Variants in PPFIBP1 observed in about 807,000 individuals in gnomAD.
PPFIBP1 encodes the protein liprin-beta-1.
PPFIBP1 carries 112 observed loss-of-function variants against 137.8 expected under a neutral mutation model. That is an observed-to-expected ratio of 0.81 (90% CI 0.70 to 0.95). The LOEUF is 0.95. PPFIBP1 is among the 40% of genes least tolerant of loss of function. PPFIBP1 has a pLI of 0.00. For synonymous variants in PPFIBP1, 378 were observed against 417.3 expected (o/e 0.91, Z 1.15); for missense variants, 1,083 against 1,196.6 (o/e 0.91, Z 1.40).
Position 27,685,255 on chromosome 12 carries a change from G to A in PPFIBP1, c.2248-2130G>A, listed in dbSNP as rs1398887467. ...TACACACACATACACATATATGCATGTTTGTATATATGTGTGTGTGTATCC... is the reference window on the plus strand; with the variant it reads ...TACACACACATACACATATATGCATATTTGTATATATGTGTGTGTGTATCC... On this transcript the variant is annotated intron_variant, in intron 24 of 29. Coordinates refer to ENST00000228425, the MANE Select transcript of PPFIBP1 (RefSeq NM_003622.4). Among the ~76,000 whole-genome samples, 5 of 150,918 alleles carry A rather than the reference G, an allele frequency of 3.3e-5. No individual in the cohort carries two copies. The South Asian group carries it at 8.4e-4, about 25-fold the overall frequency.
At chr12:27,612,261 C>G (rs965795641) in intron 2 of PPFIBP1, among the ~76,000 whole-genome samples, 1 of 151,528 alleles carries the variant, frequency 6.6e-6, no homozygotes, top group Non-Finnish European at 1.5e-5. Flanking sequence ...AGGTATCTGC[C>G]AAGCCTCTCT....
chr12:27,535,481 A>G (rs2135893553), intron 1 of PPFIBP1, among the ~76,000 whole-genome samples: 1 of 152,272 alleles, frequency 6.6e-6, no homozygotes, highest in Middle Eastern at 3.4e-3. Flanking sequence ...TGGTGTGGTC[A>G]CGGCTCATTG....
chr12:27,600,382 G>T (rs2137705848), intron 2 of PPFIBP1, among the ~76,000 whole-genome samples: 1 of 151,672 alleles, frequency 6.6e-6, no homozygotes, highest in South Asian at 2.1e-4. Context: ...GTTGCAGTGA[G>T]CTGAGATCGG....
intron 6 of PPFIBP1, among the ~76,000 whole-genome samples, chr12:27,649,659 T>C (rs1351921994): frequency 6.6e-6 from 1 of 152,082 alleles, no homozygotes; most frequent in African/African-American, 2.4e-5. Context: ...CAAGTAATTC[T>C]CCTGCCTCAG....
intron 18 of PPFIBP1, 176 bp downstream of exon 18, chr12:27,676,775 A>G: frequency 1.4e-6 from 1 of 697,164 alleles, no homozygotes; most frequent in South Asian, 1.9e-5. Context: ...AGTGTTGTGA[A>G]GATATATAGA....
intron 10 of PPFIBP1, among the ~76,000 whole-genome samples, chr12:27,660,660 G>A (rs2059489283): frequency 6.6e-6 from 1 of 152,124 alleles, no homozygotes; most frequent in African/African-American, 2.4e-5. Context: ...ACACACCCTT[G>A]TTTTCTTTCT....
intron 2 of PPFIBP1, among the ~76,000 whole-genome samples, chr12:27,625,810 C>A (rs1280424475): frequency 6.6e-6 from 1 of 152,032 alleles, no homozygotes; most frequent in African/African-American, 2.4e-5. Context: ...TCTCGAACTC[C>A]TGACCTCAAG....
chr12:27,617,343 T>C (rs1592887892), intron 2 of PPFIBP1, among the ~76,000 whole-genome samples: 1 of 152,170 alleles, frequency 6.6e-6, no homozygotes, highest in Non-Finnish European at 1.5e-5. Flanking sequence ...TCTTGGCAGG[T>C]GGGATCCCTT....
At chr12:27,527,033 C>A (rs1486663238) in intron 1 of PPFIBP1, among the ~76,000 whole-genome samples, 1 of 152,102 alleles carries the variant, frequency 6.6e-6, no homozygotes, top group African/African-American at 2.4e-5. Flanking sequence ...CCCTGTTCCA[C>A]CGTGAGATAA....
chr12:27,585,149 T>G (rs2051576448), intron 2 of PPFIBP1, among the ~76,000 whole-genome samples: 1 of 152,254 alleles, frequency 6.6e-6, no homozygotes, highest in South Asian at 2.1e-4. Context: ...GTTCATTAAA[T>G]GAATTTGAAT....
intron 1 of PPFIBP1, among the ~76,000 whole-genome samples, chr12:27,574,342 G>A (rs1408208355): frequency 6.6e-6 from 1 of 152,132 alleles, no homozygotes; most frequent in Non-Finnish European, 1.5e-5. Context: ...AGACTAGATG[G>A]GAACAAACTT....
At chr12:27,660,269 T>C (rs2059459305) in intron 10 of PPFIBP1, among the ~76,000 whole-genome samples, 1 of 152,202 alleles carries the variant, frequency 6.6e-6, no homozygotes, top group South Asian at 2.1e-4. Context: ...GAATATCAAA[T>C]TTTAAGGAGA....
At chr12:27,545,799 G>T (rs181415587) in intron 1 of PPFIBP1, among the ~76,000 whole-genome samples, 3 of 152,336 alleles carry the variant, frequency 2.0e-5, no homozygotes, top group Admixed American at 2.0e-4. Flanking sequence ...AACGGTTAGT[G>T]TGTCTAAGAA....
intron 1 of PPFIBP1, among the ~76,000 whole-genome samples, chr12:27,546,246 A>G (rs1346343293): frequency 6.6e-6 from 1 of 152,198 alleles, no homozygotes; most frequent in Admixed American, 6.5e-5. Context: ...TGATCCCTAC[A>G]TTGATTAGCT....
Position 27,692,649 on chromosome 12 carries a change from A to G in PPFIBP1, c.2924A>G (p.Asn975Ser). 2.5e-6 allele frequency: 4 copies of G among 1,614,148 alleles called. No individual in the cohort carries two copies. The highest frequency in any genetic ancestry group is 3.4e-6 in the Non-Finnish European group (4 of 1,179,982). The change falls in exon 29 of 30, where the codon AAT becomes AGT. Residue 975 changes from asparagine (N) to serine (S), a missense_variant. Asn to Ser is a conservative substitution (Grantham distance 46, BLOSUM62 1). Transcript: ENST00000228425. ...GGTGCATTCTCTGAAGGCATCAACA[A>G]TCTGACGGTGAGTTTGTGAAATGAA... ...QIGAFSEGIN[N>S]LTHMLKEDDM...
At chr12:27,575,806 T>G (rs192161615) in intron 1 of PPFIBP1, among the ~76,000 whole-genome samples, 2 of 152,360 alleles carry the variant, frequency 1.3e-5, no homozygotes, top group African/African-American at 4.8e-5. Context: ...AAATTAAACT[T>G]GTCATTGAGA....
rs576154606 is a variant in PPFIBP1 at position 27,676,459 on chromosome 12, G to A, written c.1442G>A (p.Gly481Glu). ...GCTCCGGCAGAAAGCAGGCCATTTG[G>A]GACCCTTCCTCCCAGGCCCCCAGGG... ...DRAPAESRPF[G>E]TLPPRPPGQD... Residue 481 changes from glycine to glutamate, a missense_variant, in exon 18 of 30, where the codon GGG (glycine) becomes GAG (glutamate). Transcript: ENST00000228425. 6.4e-7 allele frequency: 1 copy of A among 1,566,078 alleles called. No homozygotes were observed. The highest frequency in any genetic ancestry group is 8.6e-7 in the Non-Finnish European group (1 of 1,156,530).
intron 2 of PPFIBP1, among the ~76,000 whole-genome samples, chr12:27,612,323 T>C (rs2055206707): frequency 7.0e-6 from 1 of 143,368 alleles, no homozygotes; most frequent in African/African-American, 2.5e-5. Context: ...CTGTACTTTA[T>C]TGGTGTTTTT....
chr12:27,526,112 G>C (rs1055340368), intron 1 of PPFIBP1, among the ~76,000 whole-genome samples: 1 of 152,178 alleles, frequency 6.6e-6, no homozygotes, highest in Non-Finnish European at 1.5e-5. Context: ...TAGAGCTGTG[G>C]AGTGGAGTTC....
Sources: allele counts gnomAD v4.1 joint callset (sites outside exome capture counted in the v4.1 genomes callset), GRCh38; gene constraint gnomAD v4.1.1; transcripts MANE v1.5; gene names NCBI Gene and HGNC (gene_info 2026-07-23, HGNC 2026-07-21).